Variants in SCN10A observed in about 807,000 individuals in gnomAD.
SCN10A encodes sodium channel protein type 10 subunit alpha.
SCN10A carries 162 observed loss-of-function variants against 170.7 expected under a neutral mutation model. That is an observed-to-expected ratio of 0.95 (90% CI 0.84 to 1.08). The LOEUF (loss-of-function observed/expected upper bound fraction) is 1.08, where lower values mean the gene tolerates loss of function less well. Ranked by LOEUF, SCN10A falls within the 50% of genes least tolerant of loss-of-function variation. The pLI, the probability that SCN10A is intolerant of heterozygous loss-of-function variation, is 0.00. For synonymous variants in SCN10A, 985 were observed against 904.6 expected, an observed-to-expected ratio of 1.09 and a Z score of -1.59; for missense variants, 2,527 against 2,436.9, an observed-to-expected ratio of 1.04 and a Z score of -0.78.
intron 17 of SCN10A, among the ~76,000 whole-genome samples, chr3:38,726,204 C>T (rs561469411): frequency 3.5e-4 from 53 of 152,328 alleles, no homozygotes; most frequent in African/African-American, 1.3e-3. Context: ...GAAAAGCTGG[C>T]TAAATGAGTC....
rs2063304057 is a variant in SCN10A, at chr3:38,713,976, A to T, written c.3786T>A (p.Ser1262=). 1.2e-6 allele frequency: 2 copies of T among 1,613,640 alleles called. No homozygotes were observed. The highest frequency in any genetic ancestry group is 1.7e-6 in the Non-Finnish European group (2 of 1,180,050). Residue 1262 remains serine, a synonymous_variant, in exon 22 of 28, where the codon TCT becomes TCA. Transcript: ENST00000449082. ...GACTTACCCGCATGCCTTCAAATCG[A>T]GAAAGAGCCCGCAGTGGCCGCAGAG... is the stretch of plus-strand genomic sequence containing the variant. ...LRALRPLRAL[S]RFEGMRVVVD...
intron 13 of SCN10A, among the ~76,000 whole-genome samples, chr3:38,746,071 A>G (rs1258132004): frequency 0.036 from 3,250 of 91,082 alleles, 193 homozygotes; most frequent in African/African-American, 0.082. Context: ...GTGTATATAT[A>G]TATATATATA....
rs1328381373 is a variant in SCN10A at position 38,697,182 on chromosome 3, G to A, written c.*167C>T. 1 of 1,069,604 alleles carries A rather than the reference G, an allele frequency of 9.3e-7. No individual in the cohort carries two copies. Among genetic ancestry groups the A allele is most frequent in the East Asian group, 2.6e-5 (1 of 39,028 alleles). 66.3% of individuals were successfully genotyped at this position (1,069,604 alleles called of 1,614,324 possible). On this transcript the variant is annotated 3_prime_UTR_variant, in exon 28 of 28. Transcript: ENST00000449082. ...TTCTGACTCCTATTTGTGTATGATG[G>A]TTTTTTCAAAGGTGGTTACCAGTTG...
intron 11 of SCN10A, among the ~76,000 whole-genome samples, chr3:38,755,289 GAA>G (rs766168331): frequency 3.7e-4 from 55 of 147,182 alleles, no homozygotes; most frequent in Non-Finnish European, 6.9e-4. Flanking sequence ...CGACGCATCA[GAA>G]AAAAAAAAGG....
At chr3:38,763,395 G>A in intron 6 of SCN10A, 110 bp downstream of exon 6, 1 of 843,294 alleles carries the variant, frequency 1.2e-6, no homozygotes, top group Non-Finnish European at 2.0e-6. Flanking sequence ...CCTTTGTCTT[G>A]TAAGTGGGGA....
At chr3:38,787,019 C>A (rs904610070) in intron 4 of SCN10A, among the ~76,000 whole-genome samples, 9 of 151,990 alleles carry the variant, frequency 5.9e-5, no homozygotes, top group African/African-American at 2.2e-4. Context: ...TTCATGTAAA[C>A]TTTTGAGGAA....
intron 4 of SCN10A, among the ~76,000 whole-genome samples, chr3:38,786,587 C>T (rs548000107): frequency 3.3e-5 from 5 of 152,214 alleles, no homozygotes; most frequent in African/African-American, 1.2e-4. Flanking sequence ...TGTAACAAAC[C>T]TGCACTTTCT....
At chr3:38,772,323 A>G (rs201026317) in intron 4 of SCN10A, among the ~76,000 whole-genome samples, 71 of 4,530 alleles carry the variant, frequency 0.016, no homozygotes, top group African/African-American at 0.03. Flanking sequence ...CAAACAACTG[A>G]AAAAAAAAAA....
intron 2 of SCN10A, among the ~76,000 whole-genome samples, chr3:38,792,476 G>A (rs2064295427): frequency 6.6e-6 from 1 of 152,180 alleles, no homozygotes; most frequent in East Asian, 1.9e-4. Context: ...ATGCCCAGGG[G>A]AGGACTCTGG....
intron 13 of SCN10A, among the ~76,000 whole-genome samples, chr3:38,746,079 A>ATG (rs2063685872): frequency 1.1e-5 from 1 of 91,424 alleles, no homozygotes; most frequent in Non-Finnish European, 2.5e-5. Context: ...ATATATATAT[A>ATG]TATATATATA....
At chr3:38,776,294 T>C (rs1004052978) in intron 4 of SCN10A, among the ~76,000 whole-genome samples, 1 of 152,130 alleles carries the variant, frequency 6.6e-6, no homozygotes, top group Non-Finnish European at 1.5e-5. Flanking sequence ...AGGCCATTCA[T>C]TACTTACATT....
intron 26 of SCN10A, among the ~76,000 whole-genome samples, chr3:38,706,255 TA>T (rs1162941575): frequency 6.6e-6 from 1 of 152,212 alleles, no homozygotes; most frequent in African/African-American, 2.4e-5. Flanking sequence ...TACCTTGATT[TA>T]AAAAAATCTA....
chr3:38,766,199 C>G (rs1306556459), intron 5 of SCN10A, among the ~76,000 whole-genome samples: 3 of 152,056 alleles, frequency 2.0e-5, no homozygotes, highest in East Asian at 3.9e-4. Flanking sequence ...GTTTGACTTC[C>G]CCTTTACTGA....
intron 13 of SCN10A, among the ~76,000 whole-genome samples, chr3:38,746,002 C>T (rs987902533): frequency 3.5e-5 from 5 of 143,852 alleles, no homozygotes; most frequent in Admixed American, 2.8e-4. Context: ...TTCAAAATTA[C>T]CACTTACATT....
chr3:38,747,654 A>G (rs1292301484), intron 13 of SCN10A, among the ~76,000 whole-genome samples: 1 of 152,198 alleles, frequency 6.6e-6, no homozygotes, highest in Admixed American at 6.5e-5. Context: ...TGTTCTAACT[A>G]CTACCCTCTG....
chr3:38,810,363 G>A (rs1325620042), intron 1 of SCN10A, among the ~76,000 whole-genome samples: 7 of 152,144 alleles, frequency 4.6e-5, no homozygotes, highest in African/African-American at 1.4e-4. Context: ...AGGATACGCA[G>A]GAAATTCAGT....
At chr3:38,804,891 A>G (rs1243526856) in intron 1 of SCN10A, among the ~76,000 whole-genome samples, 1 of 152,176 alleles carries the variant, frequency 6.6e-6, no homozygotes, top group Admixed American at 6.6e-5. Flanking sequence ...GAAGGAGAAG[A>G]AAAAGGATAT....
At chr3:38,754,076 G>A (rs1260326463) in intron 11 of SCN10A, among the ~76,000 whole-genome samples, 1 of 152,216 alleles carries the variant, frequency 6.6e-6, no homozygotes, top group Non-Finnish European at 1.5e-5. Flanking sequence ...TAGCATTAAA[G>A]AAGTACTTAA....
At chr3:38,786,952 C>A (rs1412710898) in intron 4 of SCN10A, among the ~76,000 whole-genome samples, 1 of 152,150 alleles carries the variant, frequency 6.6e-6, no homozygotes, top group African/African-American at 2.4e-5. Context: ...AGAATGAGTT[C>A]TCCCACTTTG....
Sources: gnomAD v4.1 joint callset for allele counts (sites outside exome capture counted in the v4.1 genomes callset) on GRCh38, gnomAD v4.1.1 for gene constraint, MANE v1.5 for transcripts, NCBI Gene and HGNC (gene_info 2026-07-23, HGNC 2026-07-21) for gene names.